COL18A1: variants seen among roughly 807,000 people sequenced by gnomAD.
COL18A1 encodes collagen type XVIII alpha 1 chain.
A neutral mutation model predicts 168.0 loss-of-function variants in COL18A1; 133 were observed. That is an observed-to-expected ratio of 0.79 (90% CI 0.69 to 0.91). The LOEUF is 0.91. Ranked by LOEUF, COL18A1 falls within the 40% of genes least tolerant of loss-of-function variation. The probability of loss-of-function intolerance (pLI) is 0.00; values close to 1 mark genes in which losing one functional copy is unlikely to be tolerated. For synonymous variants in COL18A1, 949 were observed against 809.0 expected (o/e 1.17, Z -2.94); for missense variants, 2,126 against 1,925.4 (o/e 1.10, Z -1.95).
At chr21:45,478,165 T>C (rs1602489713) in intron 8 of COL18A1, 162 bp from the exon 9 acceptor site, 1 of 922,496 alleles carries the variant, frequency 1.1e-6, no homozygotes. Flanking sequence ...GACACAGCCC[T>C]TGTGGGTGTG....
At chr21:45,458,650 GGACCCGGGTCCGGTGTC>G (rs1602431304) in intron 2 of COL18A1, among the ~76,000 whole-genome samples, 1 of 152,308 alleles carries the variant, frequency 6.6e-6, no homozygotes, top group East Asian at 1.9e-4. Flanking sequence ...CTGACTGGAG[GGACCCGGGTCCGGTGTC>G]CTGGAGCCCC....
At chr21:45,472,030 C>T (rs1292624966) in intron 3 of COL18A1, among the ~76,000 whole-genome samples, 3 of 152,116 alleles carry the variant, frequency 2.0e-5, no homozygotes, top group Admixed American at 6.5e-5. Context: ...GTGCAGGAGG[C>T]GTCGGCCCCT....
intron 15 of COL18A1, among the ~76,000 whole-genome samples, chr21:45,484,991 T>C (rs2036058783): frequency 6.6e-6 from 1 of 152,042 alleles, no homozygotes; most frequent in Non-Finnish European, 1.5e-5. Context: ...GGGATGAAAT[T>C]AGAAAGAGGT....
At chr21:45,456,754 C>T (rs1342325433) in intron 2 of COL18A1, 30 of 1,539,558 alleles carry the variant, frequency 1.9e-5, no homozygotes, top group Non-Finnish European at 2.5e-5. Flanking sequence ...CGCCACCCTG[C>T]TGCCAGTTCT....
intron 2 of COL18A1, among the ~76,000 whole-genome samples, chr21:45,417,916 G>T (rs111267837): frequency 6.6e-6 from 1 of 152,228 alleles, no homozygotes; most frequent in Admixed American, 6.5e-5. Context: ...CACCCACAGC[G>T]CAGCTGGCAG....
intron 4 of COL18A1, among the ~76,000 whole-genome samples, chr21:45,474,489 GGT>G (rs1259788590): frequency 6.7e-6 from 1 of 150,074 alleles, no homozygotes; most frequent in African/African-American, 2.5e-5. Context: ...CTGTGTGTGT[GGT>G]GTGTCTCTGT....
chr21:45,446,340 T>C (rs1473683218), intron 2 of COL18A1, among the ~76,000 whole-genome samples: 3 of 152,236 alleles, frequency 2.0e-5, no homozygotes, highest in African/African-American at 7.2e-5. Flanking sequence ...TTGTAAGTCT[T>C]AAAACTGGGA....
chr21:45,504,423 A>G lies in COL18A1; in HGVS notation c.2735A>G (p.Lys912Arg), dbSNP rs772034671. Residue 912 changes from lysine to arginine, a missense_variant, in exon 34 of 42, where the codon AAG (lysine) becomes AGG (arginine). Transcript: ENST00000651438. Reference sequence around the variant, plus strand: ...AAGTGTTTCCGTCCACAGGGGGAGAAGGGAGACCGAGGTGATGCAGGACAG... The same window carrying G: ...AAGTGTTTCCGTCCACAGGGGGAGAGGGGAGACCGAGGTGATGCAGGACAG... ...LQLEAEMKGE[K>R]GDRGDAGQKG... 18 of 1,611,610 alleles carry G rather than the reference A, an allele frequency of 1.1e-5. No homozygotes were observed. The highest frequency in any genetic ancestry group is 1.4e-5 in the Non-Finnish European group (17 of 1,179,340).
At chr21:45,480,193 T>C in intron 11 of COL18A1, 37 bp downstream of exon 11, 1 of 1,277,592 alleles carries the variant, frequency 7.8e-7, no homozygotes, top group Non-Finnish European at 1.1e-6. Context: ...ACCCGGGGTC[T>C]GCCCTCCTCA....
rs1351445232 is a variant in COL18A1 at position 45,477,791 on chromosome 21, C to A, written c.1047C>A (p.Gly349=). The stretch of plus-strand genomic sequence containing the variant: ...AGAAAGGGGAGCCAGGTGTTCCGGG[C>A]CCACCTGGCCGGGCAGGCCCCCCAG... ...KGQKGEPGVP[G]PPGRAGPPGS... is the part of the protein sequence containing the mutation. The change falls in exon 8 of 42, where the codon GGC becomes GGA. Residue 349 remains glycine, a synonymous_variant. Transcript: ENST00000651438. 7 of 1,547,710 alleles carry A rather than the reference C, an allele frequency of 4.5e-6. No individual in the cohort carries two copies. The highest frequency in any genetic ancestry group is 2.0e-5 in the Admixed American group (1 of 50,934).
chr21:45,505,883 G>C lies in COL18A1; in HGVS notation c.3133G>C (p.Glu1045Gln), dbSNP rs200427354. 1 of 1,611,996 alleles carries C rather than the reference G, an allele frequency of 6.2e-7. No individual in the cohort carries two copies. Among genetic ancestry groups the C allele is most frequent in the South Asian group, 1.1e-5 (1 of 91,062 alleles). Residue 1045 changes from glutamate to glutamine, a missense_variant, in exon 37 of 42, where the codon GAG (glutamate) becomes CAG (glutamine). Physicochemically the swap from Glu to Gln is conservative, Grantham distance 29. Transcript: ENST00000651438. Reference sequence around the variant, plus strand: ...CCAGGCCATGCTGGGCCAGGTGCACGAGGTTCCCGAGGGCTGGCTCATCTT... The same window carrying C: ...CCAGGCCATGCTGGGCCAGGTGCACCAGGTTCCCGAGGGCTGGCTCATCTT... ...TRQAMLGQVH[E>Q]VPEGWLIFVA...
chr21:45,467,052 GC>G (rs1296250136), intron 2 of COL18A1, among the ~76,000 whole-genome samples: 7 of 152,248 alleles, frequency 4.6e-5, no homozygotes, highest in Non-Finnish European at 5.9e-5. Flanking sequence ...GTGACCGCTG[GC>G]CCCCAGAGCC....
intron 2 of COL18A1, among the ~76,000 whole-genome samples, chr21:45,460,341 C>T (rs548726186): frequency 4.6e-5 from 7 of 152,226 alleles, no homozygotes; most frequent in African/African-American, 7.2e-5. Flanking sequence ...CCGGGGTGCT[C>T]GGGAGGCAGG....
chr21:45,441,066 C>CTT (rs2034357757), intron 2 of COL18A1, among the ~76,000 whole-genome samples: 1 of 152,216 alleles, frequency 6.6e-6, no homozygotes, highest in African/African-American at 2.4e-5. Flanking sequence ...CGCCTTTCCG[C>CTT]TCCAAGCTCT....
In COL18A1 at chr21:45,423,450, C is replaced by T. The variant is rs1269395688; in HGVS notation, c.106+17977C>T. On this transcript the variant is annotated intron_variant, in intron 2 of 41. Coordinates refer to ENST00000651438, the MANE Select transcript of COL18A1 (RefSeq NM_001379500.1). This position sits in a 1 kb window ranked among gnomAD's most constrained non-coding sequence, Gnocchi z 4.0. ...ACAAGCACCTCGGACGGCAGCAGGA[C>T]CCTCCCAAAGCTGTGTCCACACACA... 6.6e-6 allele frequency among the ~76,000 whole-genome samples: 1 copy of T among 152,172 alleles called. No individual in the cohort carries two copies. The highest frequency in any genetic ancestry group is 1.5e-5 in the Non-Finnish European group (1 of 68,032).
At chr21:45,493,316 G>A in intron 25 of COL18A1, 91 bp downstream of exon 25, 1 of 1,433,780 alleles carries the variant, frequency 7.0e-7, no homozygotes, top group Non-Finnish European at 9.6e-7. Flanking sequence ...AGGGACCTGG[G>A]ACCCCCCGGC....
At chr21:45,493,383 C>A in intron 25 of COL18A1, 118 bp from the exon 26 acceptor site, 1 of 1,287,060 alleles carries the variant, frequency 7.8e-7, no homozygotes, top group Non-Finnish European at 1.1e-6. Flanking sequence ...GTGGTCACCT[C>A]CCGTGAAAGG....
chr21:45,439,978 C>T (rs2034324912), intron 2 of COL18A1, among the ~76,000 whole-genome samples: 1 of 152,332 alleles, frequency 6.6e-6, no homozygotes, highest in South Asian at 2.1e-4. Context: ...GCTGGTGCCC[C>T]GACTCCGCAC....
At chr21:45,490,569 C>CACTCCCGGG (rs1568921858) in intron 20 of COL18A1, among the ~76,000 whole-genome samples, 10 of 116,392 alleles carry the variant, frequency 8.6e-5, no homozygotes, top group African/African-American at 1.3e-4. Context: ...TCCGTGTGCC[C>CACTCCCGGG]TCTCAGGTCC....
Sources: allele counts gnomAD v4.1 joint callset (sites outside exome capture counted in the v4.1 genomes callset), GRCh38; gene constraint gnomAD v4.1.1; non-coding constraint Gnocchi (gnomAD v3.1); transcripts MANE v1.5; gene names NCBI Gene and HGNC (gene_info 2026-07-23, HGNC 2026-07-21).